The following NEGR1 variants were observed in gnomAD, a reference collection of about 807,000 sequenced individuals.
NEGR1 encodes neuronal growth regulator 1.
In NEGR1, 10 loss-of-function variants were observed where a neutral mutation model predicts 40.9. The observed-to-expected ratio is 0.24, with a 90% CI of 0.15 to 0.42. NEGR1 has a LOEUF of 0.42. NEGR1 is among the 10% of genes least tolerant of loss of function. The pLI, the probability that NEGR1 is intolerant of heterozygous loss-of-function variation, is 1.00. For synonymous variants in NEGR1, 185 were observed against 166.8 expected, an observed-to-expected ratio of 1.11 and a Z score of -0.84; for missense variants, 352 against 438.9, an observed-to-expected ratio of 0.80 and a Z score of 1.77.
chr1:71,592,647 TA>T (rs1190496775), intron 6 of NEGR1, among the ~76,000 whole-genome samples, 169 bp downstream of exon 6: 2 of 152,170 alleles, frequency 1.3e-5, no homozygotes, highest in Non-Finnish European at 2.9e-5. Context: ...TGGACAACTA[TA>T]TGATTTGGGA....
At chr1:71,927,056 T>C (rs1645781171) in intron 2 of NEGR1, among the ~76,000 whole-genome samples, 1 of 152,178 alleles carries the variant, frequency 6.6e-6, no homozygotes, top group African/African-American at 2.4e-5. Context: ...ACAAGAATTT[T>C]ACTAAAAGTA....
chr1:71,781,577 T>C (rs1656719226), intron 2 of NEGR1, among the ~76,000 whole-genome samples: 1 of 152,176 alleles, frequency 6.6e-6, no homozygotes, highest in Non-Finnish European at 1.5e-5. Flanking sequence ...AGATGGAATA[T>C]TTATTTAATC....
chr1:71,465,691 G>C (rs1557535799), intron 6 of NEGR1, among the ~76,000 whole-genome samples: 1 of 152,070 alleles, frequency 6.6e-6, no homozygotes, highest in East Asian at 1.9e-4. Flanking sequence ...TGTTTGGAGA[G>C]AGAAAGCTGC....
intron 1 of NEGR1, among the ~76,000 whole-genome samples, chr1:71,938,596 T>C (rs953063582): frequency 6.6e-6 from 1 of 151,960 alleles, no homozygotes; most frequent in African/African-American, 2.4e-5. Context: ...CTATGTAGGG[T>C]ACAATGGGGT....
chr1:71,676,182 A>C (rs1652631729), intron 4 of NEGR1, among the ~76,000 whole-genome samples: 1 of 152,162 alleles, frequency 6.6e-6, no homozygotes, highest in Non-Finnish European at 1.5e-5. Context: ...CAAGCCACTA[A>C]GGACACTTTT....
At chr1:71,679,772 G>T (rs1022676732) in intron 4 of NEGR1, among the ~76,000 whole-genome samples, 1 of 152,078 alleles carries the variant, frequency 6.6e-6, no homozygotes, top group Non-Finnish European at 1.5e-5. Context: ...ATCTGAAAGA[G>T]AAAGCAAATA....
intron 6 of NEGR1, among the ~76,000 whole-genome samples, chr1:71,431,560 GTTTATCCA>G (rs559508901): frequency 0.056 from 2,753 of 49,280 alleles, 35 homozygotes; most frequent in Non-Finnish European, 0.11. Context: ...CCATCCATCT[GTTTATCCA>G]TTCATTCATT....
chr1:71,451,863 A>T (rs1294463498), intron 6 of NEGR1, among the ~76,000 whole-genome samples: 3 of 152,220 alleles, frequency 2.0e-5, no homozygotes, highest in Non-Finnish European at 4.4e-5. Context: ...GAAAACAATG[A>T]ATCCCAAGTG....
chr1:71,958,357 C>A (rs1348696061), intron 1 of NEGR1, among the ~76,000 whole-genome samples: 1 of 152,092 alleles, frequency 6.6e-6, no homozygotes, highest in Non-Finnish European at 1.5e-5. Flanking sequence ...CTTAACCAGA[C>A]ATTTGCTATT....
intron 1 of NEGR1, among the ~76,000 whole-genome samples, chr1:71,977,755 T>G (rs1444770162): frequency 2.4e-5 from 1 of 41,068 alleles, no homozygotes; most frequent in Admixed American, 2.6e-4. Context: ...CTAAGGAAAA[T>G]AGTAGAAAAG....
At chr1:71,755,926 C>A (rs1350112338) in intron 3 of NEGR1, among the ~76,000 whole-genome samples, 4 of 151,944 alleles carry the variant, frequency 2.6e-5, no homozygotes, top group African/African-American at 9.7e-5. Flanking sequence ...TATAATATAA[C>A]CTTTATGTAA....
intron 1 of NEGR1, among the ~76,000 whole-genome samples, chr1:72,148,156 G>A (rs1472284044): frequency 1.3e-5 from 2 of 152,158 alleles, no homozygotes; most frequent in African/African-American, 4.8e-5. Context: ...TGTCCTAGCA[G>A]AGATGCTCCA....
At chr1:71,756,132 G>A (rs1329376597) in intron 3 of NEGR1, among the ~76,000 whole-genome samples, 1 of 152,058 alleles carries the variant, frequency 6.6e-6, no homozygotes, top group Non-Finnish European at 1.5e-5. Context: ...GAATCTAGTG[G>A]AAATAAGTTC....
At chr1:71,920,147 C>A (rs1279374781) in intron 2 of NEGR1, among the ~76,000 whole-genome samples, 1 of 152,216 alleles carries the variant, frequency 6.6e-6, no homozygotes, top group Non-Finnish European at 1.5e-5. Flanking sequence ...CTCCGAGGAG[C>A]TGTACATTTG....
At chr1:72,144,225 T>G (rs2100341795) in intron 1 of NEGR1, among the ~76,000 whole-genome samples, 1 of 151,702 alleles carries the variant, frequency 6.6e-6, no homozygotes, top group South Asian at 2.1e-4. Context: ...TTGCAGGCAC[T>G]CCCAATCATT....
intron 1 of NEGR1, chr1:72,275,226 ATTAT>A (rs1656001499): frequency 1.7e-6 from 1 of 591,694 alleles, no homozygotes. Context: ...AAAAATTTCT[ATTAT>A]TTATTCATAA....
chr1:71,990,858 G>C (rs570774273), intron 1 of NEGR1, among the ~76,000 whole-genome samples: 1 of 151,004 alleles, frequency 6.6e-6, no homozygotes, highest in Non-Finnish European at 1.5e-5. Context: ...TTAATAAAAT[G>C]ATTTCTTAAT....
At chr1:72,082,305 T>C (rs1450177531) in intron 1 of NEGR1, among the ~76,000 whole-genome samples, 1 of 152,096 alleles carries the variant, frequency 6.6e-6, no homozygotes, top group South Asian at 2.1e-4. Context: ...CAGTAACTAT[T>C]TGATGATTCT....
chr1:71,988,833 C>T (rs1425104630), intron 1 of NEGR1, among the ~76,000 whole-genome samples: 4 of 147,126 alleles, frequency 2.7e-5, no homozygotes, highest in African/African-American at 1.0e-4. Context: ...GCTATGGCCA[C>T]GCAGCTAAAC....
Sources: gnomAD v4.1 joint callset for allele counts (sites outside exome capture counted in the v4.1 genomes callset) on GRCh38, gnomAD v4.1.1 for gene constraint, MANE v1.5 for transcripts, NCBI Gene and HGNC (gene_info 2026-07-23, HGNC 2026-07-21) for gene names.